ZHX3: variants seen among roughly 807,000 people sequenced by gnomAD.
ZHX3 encodes zinc fingers and homeoboxes protein 3.
Under a neutral mutation model 64.5 loss-of-function variants are expected in ZHX3, and 20 were observed. The ratio of observed to expected loss-of-function variants is 0.31; its 90% CI spans 0.22 to 0.45. The LOEUF (loss-of-function observed/expected upper bound fraction) is 0.45. ZHX3 is among the 20% of genes least tolerant of loss of function. The pLI, the probability that ZHX3 is intolerant of heterozygous loss-of-function variation, is 1.00. For synonymous variants in ZHX3, 423 were observed against 461.6 expected, an observed-to-expected ratio of 0.92 and a Z score of 1.07; for missense variants, 1,041 against 1,195.8, an observed-to-expected ratio of 0.87 and a Z score of 1.91.
chr20:41,300,980 G>A (rs1009371422), intron 1 of ZHX3, among the ~76,000 whole-genome samples: 1 of 152,162 alleles, frequency 6.6e-6, no homozygotes, highest in African/African-American at 2.4e-5. Context: ...CCTAGACTTA[G>A]GTAACCACAA....
intron 1 of ZHX3, among the ~76,000 whole-genome samples, chr20:41,312,147 C>T (rs914308460): frequency 2.6e-5 from 4 of 152,194 alleles, no homozygotes; most frequent in African/African-American, 4.8e-5. Context: ...ATGCACCAAT[C>T]AGCACTCTGT....
chr20:41,287,829 A>G (rs2044013586), intron 1 of ZHX3, among the ~76,000 whole-genome samples: 1 of 152,258 alleles, frequency 6.6e-6, no homozygotes, highest in East Asian at 1.9e-4. Context: ...TTCTCAACCC[A>G]TTTCTGTTAC....
chr20:41,296,203 T>C (rs1171180617), intron 1 of ZHX3, among the ~76,000 whole-genome samples: 1 of 144,582 alleles, frequency 6.9e-6, no homozygotes, highest in East Asian at 2.0e-4. Flanking sequence ...TTTTTCCTCT[T>C]CTTTTCCCTT....
chr20:41,229,626 T>G (rs2040474414), intron 2 of ZHX3, among the ~76,000 whole-genome samples: 1 of 152,184 alleles, frequency 6.6e-6, no homozygotes, highest in Non-Finnish European at 1.5e-5. Flanking sequence ...TGTATCTCAC[T>G]GTGGTTTTGA....
At chr20:41,315,456 G>A (rs2045263307) in intron 1 of ZHX3, among the ~76,000 whole-genome samples, 1 of 149,606 alleles carries the variant, frequency 6.7e-6, no homozygotes, top group African/African-American at 2.5e-5. Flanking sequence ...GCCTCCCAAA[G>A]TGCTGTGATT....
rs1241521906 is a variant in ZHX3 at position 41,180,304 on chromosome 20, C to CA, written c.*4886dup. On this transcript the variant is annotated 3_prime_UTR_variant, in exon 4 of 4. Transcript: ENST00000683867. Reference sequence around the variant, plus strand: ...GTACCTATATGTTCTTTATCATCCTCAAAGTCCTGCGAACCCAAAGATAGA... The same window carrying CA: ...GTACCTATATGTTCTTTATCATCCTCAAAAGTCCTGCGAACCCAAAGATAGA... 2 of 152,716 alleles carry CA rather than the reference C, an allele frequency of 1.3e-5. No individual in the cohort carries two copies. The highest frequency in any genetic ancestry group is 4.8e-5 in the African/African-American group (2 of 41,470). The allele number at this position is 152,716 out of a possible 1,614,324, so 9.5% of individuals were successfully genotyped here. A position where few individuals can be genotyped will look rare whatever the true frequency, so the allele number is the denominator to read the frequency against.
At position 41,181,982 on chromosome 20, in the gene ZHX3, G is replaced by A. The variant is rs1367212559; in HGVS notation, c.*3209C>T. 2.0e-5 allele frequency: 3 copies of A among 152,180 alleles called. No homozygotes were observed. The highest frequency in any genetic ancestry group is 7.2e-5 in the African/African-American group (3 of 41,428). 9.4% of individuals were successfully genotyped at this position (152,180 alleles called of 1,614,324 possible). A position where few individuals can be genotyped will look rare whatever the true frequency, so the allele number is the denominator to read the frequency against. The stretch of plus-strand genomic sequence containing the variant: ...CTACCAAACCCCAAGGCCCTGGCAA[G>A]CCATCCAACTAGGGCGTTCTTTTTC... On this transcript the variant is annotated 3_prime_UTR_variant, in exon 4 of 4. Transcript: ENST00000683867.
chr20:41,190,733 T>C (rs1302042080), intron 3 of ZHX3, among the ~76,000 whole-genome samples: 2 of 152,242 alleles, frequency 1.3e-5, no homozygotes, highest in Non-Finnish European at 2.9e-5. Context: ...AGTCTAGTGG[T>C]GATCAATTCT....
At position 41,204,823 on chromosome 20, in the gene ZHX3, T is replaced by C; in HGVS notation, c.94A>G (p.Thr32Ala). The C allele has an allele frequency of 6.2e-7, 1 of 1,610,268 alleles. No homozygotes were observed. The highest frequency in any genetic ancestry group is 8.5e-7 in the Non-Finnish European group (1 of 1,177,624). The change falls in exon 3 of 4, where the codon ACC becomes GCC. Residue 32 changes from threonine (T) to alanine (A), a missense_variant. Thr to Ala is a moderately conservative substitution (Grantham distance 58, BLOSUM62 0). Transcript: ENST00000683867. This position sits in a 1 kb window ranked among gnomAD's most constrained non-coding sequence, Gnocchi z 6.6. ...DASMEAQPAE[T>A]LPEGPQQDLP... ...TCCTGCTGGGGTCCTTCAGGCAAGG[T>C]CTCAGCGGGCTGGGCCTCCATGCTG...
At chr20:41,272,374 A>G (rs1216367475) in intron 1 of ZHX3, 1 of 152,206 alleles carries the variant, frequency 6.6e-6, no homozygotes, top group Non-Finnish European at 1.5e-5. Flanking sequence ...GAAAATTCAT[A>G]TAACATTAAC....
In ZHX3 at chr20:41,202,453, C is replaced by T. The variant is rs376980413; in HGVS notation, c.2464G>A (p.Gly822Ser). Reference sequence around the variant, plus strand: ...TAGTCTTCGTACCATTTGAGTTGGCCGTTCTTCAGTGCGTACCTGCTATCT... The same window carrying T: ...TAGTCTTCGTACCATTTGAGTTGGCTGTTCTTCAGTGCGTACCTGCTATCT... Reference protein sequence around the residue: ...FGDSRYALKNGQLKWYEDYKR... With the variant: ...FGDSRYALKNSQLKWYEDYKR... Residue 822 changes from glycine to serine, a missense_variant, in exon 3 of 4, where the codon GGC (glycine) becomes AGC (serine). Physicochemically the swap from Gly to Ser is moderately conservative, Grantham distance 56 (BLOSUM62 0). Transcript: ENST00000683867. This position sits in a 1 kb window ranked among gnomAD's most constrained non-coding sequence, Gnocchi z 7.0. 1.9e-5 allele frequency: 30 copies of T among 1,614,028 alleles called. No individual in the cohort carries two copies. Among genetic ancestry groups the T allele is most frequent in the Middle Eastern group, 1.6e-4 (1 of 6,084 alleles).
intron 1 of ZHX3, among the ~76,000 whole-genome samples, chr20:41,287,326 CT>C (rs2043986884): frequency 6.6e-6 from 1 of 152,130 alleles, no homozygotes; most frequent in South Asian, 2.1e-4. Context: ...TCTATTTTTT[CT>C]TTACAGCATG....
At chr20:41,270,356 ACAGAGCGAAACTCCGTCC>A (rs1236193481) in intron 1 of ZHX3, among the ~76,000 whole-genome samples, 1 of 116,112 alleles carries the variant, frequency 8.6e-6, no homozygotes, top group Non-Finnish European at 1.7e-5. Context: ...AGCCTGGGCA[ACAGAGCGAAACTCCGTCC>A]AAAAAAAAAA....
rs1485928708 is a variant in ZHX3, at chr20:41,183,963, A to G, written c.*1228T>C. The G allele has an allele frequency of 1.3e-5, 2 of 152,236 alleles. No individual in the cohort carries two copies. The highest frequency in any genetic ancestry group is 4.8e-5 in the African/African-American group (2 of 41,452). 9.4% of individuals were successfully genotyped at this position (152,236 alleles called of 1,614,324 possible). A position where few individuals can be genotyped will look rare whatever the true frequency, so the allele number is the denominator to read the frequency against. On this transcript the variant is annotated 3_prime_UTR_variant, in exon 4 of 4. Transcript: ENST00000683867. This position sits in a 1 kb window ranked among gnomAD's most constrained non-coding sequence, Gnocchi z 5.3. ...TTTGGGGACATAAATATAAAACTTTAAAAGCATCCTCACAAGGACCAGTGA... is the reference window on the plus strand; with the variant it reads ...TTTGGGGACATAAATATAAAACTTTGAAAGCATCCTCACAAGGACCAGTGA...
At chr20:41,259,653 AGAGG>A (rs2146556325) in intron 2 of ZHX3, among the ~76,000 whole-genome samples, 1 of 152,224 alleles carries the variant, frequency 6.6e-6, no homozygotes, top group South Asian at 2.1e-4. Flanking sequence ...AGAGGGATGG[AGAGG>A]GAGGGAGAAA....
At chr20:41,280,047 G>A (rs1325459363) in intron 1 of ZHX3, among the ~76,000 whole-genome samples, 2 of 152,182 alleles carry the variant, frequency 1.3e-5, no homozygotes, top group African/African-American at 4.8e-5. Flanking sequence ...CACCCACACA[G>A]GCGCTGGGAC....
At chr20:41,316,540 T>C (rs2045291856) in intron 1 of ZHX3, among the ~76,000 whole-genome samples, 1 of 152,212 alleles carries the variant, frequency 6.6e-6, no homozygotes, top group Non-Finnish European at 1.5e-5. Context: ...CTTTTTTAAA[T>C]TAAGGACGTG....
chr20:41,201,808 C>CA lies in ZHX3; in HGVS notation c.2860+248dup, dbSNP rs1391873191. On this transcript the variant is annotated intron_variant, in intron 3 of 3. Coordinates refer to ENST00000683867, the MANE Select transcript of ZHX3 (RefSeq NM_001384317.1). This position sits in a 1 kb window ranked among gnomAD's most constrained non-coding sequence, Gnocchi z 5.0. Reference sequence around the variant, plus strand: ...AGAAAAGCTTGGACCCCTTTAGGGTCACCATGTTCCTTCCCCTGCGCAGGT... The same window carrying CA: ...AGAAAAGCTTGGACCCCTTTAGGGTCAACCATGTTCCTTCCCCTGCGCAGGT... Among the ~76,000 whole-genome samples, 21 of 152,312 alleles carry CA rather than the reference C, an allele frequency of 1.4e-4. No homozygotes were observed. Among genetic ancestry groups the CA allele is most frequent in the African/African-American group, 5.1e-4 (21 of 41,578 alleles).
rs573169002 is a variant in ZHX3 at position 41,224,429 on chromosome 20, A to G, written c.-150-19363T>C. On this transcript the variant is annotated intron_variant, in intron 2 of 3. Coordinates refer to ENST00000683867, the MANE Select transcript of ZHX3 (RefSeq NM_001384317.1). This position sits in a 1 kb window ranked among gnomAD's most constrained non-coding sequence, Gnocchi z 5.2. ...CCTGAATTCATTGCACATTCTCTCT[A>G]TACATTCTAATTTGTCTGCATTTCT... Among the ~76,000 whole-genome samples the G allele has an allele frequency of 6.6e-6, 1 of 152,318 alleles. No homozygotes were observed. Among genetic ancestry groups the G allele is most frequent in the East Asian group, 1.9e-4 (1 of 5,188 alleles).
Sources: allele counts gnomAD v4.1 joint callset (sites outside exome capture counted in the v4.1 genomes callset), GRCh38; gene constraint gnomAD v4.1.1; non-coding constraint Gnocchi (gnomAD v3.1); transcripts MANE v1.5; gene names NCBI Gene and HGNC (gene_info 2026-07-23, HGNC 2026-07-21).